Variants in SLC5A12 observed in about 807,000 individuals in gnomAD.
SLC5A12 encodes solute carrier family 5 member 12, also known as sodium-coupled monocarboxylate transporter 2.
SLC5A12 carries 46 observed loss-of-function variants against 72.7 expected under a neutral mutation model. That is an observed-to-expected ratio of 0.63 (90% CI 0.50 to 0.81). The LOEUF is 0.81. Ranked by LOEUF, SLC5A12 falls within the 30% of genes least tolerant of loss-of-function variation. The pLI is 0.00. For synonymous variants in SLC5A12, 275 were observed against 264.4 expected (o/e 1.04, Z -0.39); for missense variants, 683 against 740.7 (o/e 0.92, Z 0.90).
At chr11:26,713,010 T>A (rs1373501272) in intron 1 of SLC5A12, among the ~76,000 whole-genome samples, 1 of 152,140 alleles carries the variant, frequency 6.6e-6, no homozygotes, top group Non-Finnish European at 1.5e-5. Context: ...CTGAAGCCAT[T>A]GTTTCCTTTT....
chr11:26,720,392 A>T (rs1037187340), intron 1 of SLC5A12, among the ~76,000 whole-genome samples: 3 of 152,006 alleles, frequency 2.0e-5, no homozygotes, highest in African/African-American at 7.2e-5. Context: ...TGCCTTTTTA[A>T]GTATCTTAAG....
chr11:26,702,982 A>T (rs1440202662), intron 6 of SLC5A12, among the ~76,000 whole-genome samples: 1 of 152,138 alleles, frequency 6.6e-6, no homozygotes. Flanking sequence ...AACCAATCAA[A>T]TACTTGCTTT....
rs373883178 is a variant in SLC5A12 at position 26,721,556 on chromosome 11, G to A, written c.159C>T (p.Val53=). The A allele has an allele frequency of 8.7e-6, 14 of 1,614,024 alleles. No individual in the cohort carries two copies. The highest frequency in any genetic ancestry group is 5.0e-5 in the Admixed American group (3 of 60,002). ...TGAAGCTGGCTGTCAGAGACAAGCC[G>A]ACAGGGCCAAAGCTCATTTGCCTTC... ...VGGRQMSFGP[V]GLSLTASFMS... The change falls in exon 1 of 15, where the codon GTC becomes GTT. Residue 53 remains valine (V), a synonymous_variant. Coordinates refer to ENST00000396005, the MANE Select transcript of SLC5A12 (RefSeq NM_178498.4).
At position 26,681,228 on chromosome 11, in the gene SLC5A12, G is replaced by T; in HGVS notation, c.1309-7C>A. ...GAAGACCTCCTAGTGCACCCTGGAT[G>T]AAGAAGAAAAAGGTTAATGGGAAAT... On this transcript the variant is annotated splice_region_variant and splice_polypyrimidine_tract_variant and intron_variant, in intron 11 of 14. Transcript: ENST00000396005. 1 of 1,563,184 alleles carries T rather than the reference G, an allele frequency of 6.4e-7. No homozygotes were observed. Among genetic ancestry groups the T allele is most frequent in the Non-Finnish European group, 8.6e-7 (1 of 1,156,900 alleles).
Position 26,671,171 on chromosome 11 carries a change from T to C in SLC5A12, c.1788A>G (p.Val596=). Residue 596 remains valine, a synonymous_variant, in exon 15 of 15, where the codon GTA becomes GTG. Coordinates refer to ENST00000396005, the MANE Select transcript of SLC5A12 (RefSeq NM_178498.4). ...LQNGLRRESL[V]HVPGYDPKDK... ...CCTTAGGATCATAGCCTGGAACATG[T>C]ACCAGGCTTTCTCTTCTGAGTCCGT... 1.9e-6 allele frequency: 3 copies of C among 1,612,928 alleles called. No homozygotes were observed. The highest frequency in any genetic ancestry group is 2.5e-6 in the Non-Finnish European group (3 of 1,179,334).
rs761089666 is a variant in SLC5A12, at chr11:26,698,420, A to C, written c.937T>G (p.Ser313Ala). The C allele has an allele frequency of 6.2e-7, 1 of 1,613,966 alleles. No homozygotes were observed. Among genetic ancestry groups the C allele is most frequent in the Non-Finnish European group, 8.5e-7 (1 of 1,179,918 alleles). The stretch of plus-strand genomic sequence containing the variant: ...AAAACCCATACCTGGTCTGGTGCTG[A>C]GATGATGCCAGAAGTCCAAGGGTCA... ...DCDPWTSGIISAPDQLMPYFV... is the reference protein window; with the variant it reads ...DCDPWTSGIIAAPDQLMPYFV... The change falls in exon 7 of 15, where the codon TCA (serine) becomes GCA (alanine). Residue 313 changes from serine (S) to alanine (A), a missense_variant. Physicochemically the swap from Ser to Ala is moderately conservative, Grantham distance 99. Coordinates refer to ENST00000396005, the MANE Select transcript of SLC5A12 (RefSeq NM_178498.4).
intron 10 of SLC5A12, among the ~76,000 whole-genome samples, chr11:26,685,187 T>A (rs1357934529): frequency 1.3e-5 from 2 of 152,190 alleles, no homozygotes; most frequent in Non-Finnish European, 2.9e-5. Context: ...ATTGGAAGGA[T>A]CAAGTAAGTT....
intron 8 of SLC5A12, among the ~76,000 whole-genome samples, chr11:26,695,942 TC>T (rs1247693466): frequency 6.6e-6 from 1 of 152,180 alleles, no homozygotes; most frequent in Non-Finnish European, 1.5e-5. Flanking sequence ...TATTTGCTTT[TC>T]CCCCTGCCTG....
chr11:26,674,925 G>A (rs12271443), intron 13 of SLC5A12, among the ~76,000 whole-genome samples: 7,080 of 152,150 alleles, frequency 0.047, 523 homozygotes, highest in African/African-American at 0.16. Context: ...CATGGATGAG[G>A]AAATGGTGAA....
At chr11:26,673,646 G>C (rs1854198157) in intron 13 of SLC5A12, 117 bp from the exon 14 acceptor site, 2 of 1,321,646 alleles carry the variant, frequency 1.5e-6, no homozygotes, top group Non-Finnish European at 2.0e-6. Context: ...GTGAAAACAA[G>C]ATTGAGTGGT....
At chr11:26,691,475 C>A (rs1373596676) in intron 9 of SLC5A12, among the ~76,000 whole-genome samples, 1 of 148,014 alleles carries the variant, frequency 6.8e-6, no homozygotes, top group Admixed American at 6.7e-5. Context: ...TTTTTTTTGT[C>A]ACAGTATTAA....
intron 8 of SLC5A12, among the ~76,000 whole-genome samples, chr11:26,696,188 T>C (rs1158471071): frequency 2.0e-5 from 3 of 152,220 alleles, no homozygotes; most frequent in Non-Finnish European, 4.4e-5. Flanking sequence ...TCCATGTCTA[T>C]TAGAAAGCAA....
chr11:26,722,252 G>A (rs141570796), upstream of SLC5A12, among the ~76,000 whole-genome samples: 1,621 of 152,254 alleles, frequency 0.011, 20 homozygotes, highest in Admixed American at 0.017. Flanking sequence ...AAGGCTGTGT[G>A]CCTGCAATTG....
At chr11:26,720,123 C>T (rs1320396384) in intron 1 of SLC5A12, among the ~76,000 whole-genome samples, 1 of 152,046 alleles carries the variant, frequency 6.6e-6, no homozygotes, top group Non-Finnish European at 1.5e-5. Flanking sequence ...TTATTGACTG[C>T]CCTTCTCTGC....
intron 4 of SLC5A12, among the ~76,000 whole-genome samples, chr11:26,708,641 T>C (rs1435501405): frequency 6.6e-6 from 1 of 152,124 alleles, no homozygotes; most frequent in Non-Finnish European, 1.5e-5. Flanking sequence ...TTATAGGTTG[T>C]ACATGGTACA....
chr11:26,687,379 G>T (rs1292753947), intron 9 of SLC5A12, among the ~76,000 whole-genome samples: 1 of 152,150 alleles, frequency 6.6e-6, no homozygotes, highest in Admixed American at 6.5e-5. Flanking sequence ...GAAATGGAAA[G>T]AAAACTATTG....
At chr11:26,700,330 G>T (rs1854926990) in intron 6 of SLC5A12, among the ~76,000 whole-genome samples, 1 of 152,062 alleles carries the variant, frequency 6.6e-6, no homozygotes, top group East Asian at 1.9e-4. Flanking sequence ...GTTCTATACA[G>T]GGCTAATTCT....
chr11:26,717,251 A>G (rs1176044060), intron 1 of SLC5A12, among the ~76,000 whole-genome samples: 1 of 152,178 alleles, frequency 6.6e-6, no homozygotes, highest in Non-Finnish European at 1.5e-5. Context: ...TAGCCCGGGC[A>G]TTATCATAAA....
At chr11:26,718,496 G>A (rs1222133672) in intron 1 of SLC5A12, among the ~76,000 whole-genome samples, 1 of 152,138 alleles carries the variant, frequency 6.6e-6, no homozygotes, top group South Asian at 2.1e-4. Context: ...GTCTCACTCT[G>A]TTGCCCAGGT....
Sources: gnomAD v4.1 joint callset for allele counts (sites outside exome capture counted in the v4.1 genomes callset) on GRCh38, gnomAD v4.1.1 for gene constraint, MANE v1.5 for transcripts, NCBI Gene and HGNC (gene_info 2026-07-23, HGNC 2026-07-21) for gene names.